The following NHS variants were observed in gnomAD, a reference collection of about 807,000 sequenced individuals.
NHS encodes the protein NHS actin remodeling regulator, also known as actin remodeling regulator NHS.
In NHS, 5 loss-of-function variants were observed where a neutral mutation model predicts 72.5. The observed-to-expected ratio is 0.07, with a 90% CI of 0.04 to 0.14. The LOEUF is 0.14. Ranked by LOEUF, NHS falls within the 10% of genes least tolerant of loss-of-function variation. The probability of loss-of-function intolerance (pLI) is 1.00; values close to 1 mark genes in which losing one functional copy is unlikely to be tolerated. For synonymous variants in NHS, 464 were observed against 547.7 expected (o/e 0.85, Z 2.13); for missense variants, 1,072 against 1,355.7 (o/e 0.79, Z 3.29).
chrX:17,591,748 G>A (rs994890313), intron 1 of NHS, among the ~76,000 whole-genome samples: 1 of 111,791 alleles, frequency 8.9e-6, no homozygotes, highest in Non-Finnish European at 1.9e-5. Context: ...TAGAATGGAA[G>A]GAGTCTTAAA....
chrX:17,549,851 T>C (rs1379925917), intron 1 of NHS, among the ~76,000 whole-genome samples: 4 of 110,840 alleles, frequency 3.6e-5, no homozygotes, highest in Admixed American at 9.6e-5. Context: ...GGAACAAGTG[T>C]GTTTGAGTTG....
At chrX:17,417,294 G>A (rs1053753341) in intron 1 of NHS, among the ~76,000 whole-genome samples, 1 of 111,842 alleles carries the variant, frequency 8.9e-6, no homozygotes, top group Non-Finnish European at 1.9e-5. Flanking sequence ...AGAAAAAGCA[G>A]CCATAGACAA....
At chrX:17,655,954 G>A (rs751402129) in intron 1 of NHS, among the ~76,000 whole-genome samples, 9 of 109,078 alleles carry the variant, frequency 8.3e-5, no homozygotes, top group Admixed American at 9.8e-5. Flanking sequence ...GGACTCCTGC[G>A]ATCTCTCTTT....
Position 17,633,920 on chromosome X carries a change from A to C in NHS, c.566-53822A>C, listed in dbSNP as rs777808163. On this transcript the variant is annotated intron_variant, in intron 1 of 8. Transcript: ENST00000676302. ...ACTAGCTTAGCTTGGTTTTCTACTC[A>C]AAAGGCCACCATGATTGCTTTTAAG... Among the ~76,000 whole-genome samples the C allele has an allele frequency of 5.9e-4, 66 of 111,962 alleles. 2 individuals are homozygous for C. Among genetic ancestry groups the C allele is most frequent in the Non-Finnish European group, 2.8e-4 (15 of 53,199 alleles).
intron 5 of NHS, among the ~76,000 whole-genome samples, 191 bp from the exon 6 acceptor site, chrX:17,724,108 G>A (rs970467197): frequency 1.8e-5 from 2 of 111,967 alleles, no homozygotes; most frequent in Non-Finnish European, 1.9e-5. Context: ...GTGGAGAGCT[G>A]CATTTAGAAG....
intron 1 of NHS, among the ~76,000 whole-genome samples, chrX:17,547,148 G>A (rs2065297684): frequency 8.9e-6 from 1 of 112,132 alleles, no homozygotes; most frequent in African/African-American, 3.2e-5. Flanking sequence ...GAGTGGAGAA[G>A]AAGGGCCCTG....
chrX:17,397,827 C>G (rs2064484095), intron 1 of NHS, among the ~76,000 whole-genome samples: 1 of 111,929 alleles, frequency 8.9e-6, no homozygotes, highest in Admixed American at 9.5e-5. Context: ...TTCCAGGTAT[C>G]CATTTACATG....
intron 1 of NHS, among the ~76,000 whole-genome samples, chrX:17,384,947 C>T (rs901778800): frequency 2.7e-5 from 3 of 111,725 alleles, no homozygotes; most frequent in South Asian, 3.7e-4. Context: ...AATTCCTGAA[C>T]GTTTTTCTTG....
chrX:17,628,155 G>A (rs1187048644), intron 1 of NHS, among the ~76,000 whole-genome samples: 1 of 112,666 alleles, frequency 8.9e-6, no homozygotes, highest in Non-Finnish European at 1.9e-5. Context: ...TTATTTGTAT[G>A]TATTTGTCTT....
At chrX:17,398,411 G>A (rs2064486903) in intron 1 of NHS, among the ~76,000 whole-genome samples, 1 of 112,498 alleles carries the variant, frequency 8.9e-6, no homozygotes, top group African/African-American at 3.2e-5. Flanking sequence ...TGTAAAATCA[G>A]CATGTGAACA....
chrX:17,551,327 T>C lies in NHS; in HGVS notation c.566-136415T>C, dbSNP rs780461181. Among the ~76,000 whole-genome samples the C allele has an allele frequency of 1.5e-4, 17 of 111,956 alleles. No individual in the cohort carries two copies. The Middle Eastern group carries it at 0.014, about 91-fold the overall frequency. ...GAAGGGATCTGGACCAGAGAATGTCTTTCTGGATGACACCCAAATCATCAC... is the reference window on the plus strand; with the variant it reads ...GAAGGGATCTGGACCAGAGAATGTCCTTCTGGATGACACCCAAATCATCAC... On this transcript the variant is annotated intron_variant, in intron 1 of 8. Coordinates refer to ENST00000676302, the MANE Select transcript of NHS (RefSeq NM_001291867.2).
At chrX:17,537,588 C>T (rs1351145633) in intron 1 of NHS, among the ~76,000 whole-genome samples, 5 of 112,116 alleles carry the variant, frequency 4.5e-5, no homozygotes, top group East Asian at 2.8e-4. Flanking sequence ...AGTATCAGGT[C>T]CCCCCAAAAT....
chrX:17,729,948 C>T (rs1360315217), intron 8 of NHS, among the ~76,000 whole-genome samples: 1 of 112,366 alleles, frequency 8.9e-6, no homozygotes, highest in Non-Finnish European at 1.9e-5. Context: ...TTTCTGTTTT[C>T]TGTTGATGTG....
chrX:17,720,786 T>TC (rs903728132), intron 4 of NHS, among the ~76,000 whole-genome samples: 15 of 112,129 alleles, frequency 1.3e-4, no homozygotes, highest in African/African-American at 4.9e-4. Flanking sequence ...CTGGAATATT[T>TC]CCCCCCAGTA....
At chrX:17,475,526 C>T (rs1205715464) in intron 1 of NHS, among the ~76,000 whole-genome samples, 1 of 111,770 alleles carries the variant, frequency 8.9e-6, no homozygotes, top group Non-Finnish European at 1.9e-5. Flanking sequence ...TTCCCGTTTT[C>T]TAGTTTGTCC....
intron 1 of NHS, among the ~76,000 whole-genome samples, chrX:17,634,247 C>A (rs1255677585): frequency 2.7e-5 from 3 of 112,335 alleles, no homozygotes; most frequent in Non-Finnish European, 5.6e-5. Context: ...CCGTTCAGTT[C>A]CTCTTCGGAA....
intron 3 of NHS, 190 bp from the exon 4 acceptor site, chrX:17,719,154 G>A (rs2066390151): frequency 2.6e-6 from 1 of 378,177 alleles, no homozygotes; most frequent in Non-Finnish European, 4.6e-6. Flanking sequence ...GAATAATAAG[G>A]AGAAGGAAGG....
chrX:17,477,213 A>G (rs1182742938), intron 1 of NHS, among the ~76,000 whole-genome samples: 2 of 111,932 alleles, frequency 1.8e-5, no homozygotes, highest in African/African-American at 6.5e-5. Flanking sequence ...GCCATATTAA[A>G]TCAAGCAATC....
At chrX:17,684,166 T>C (rs780505388) in intron 1 of NHS, among the ~76,000 whole-genome samples, 1 of 112,018 alleles carries the variant, frequency 8.9e-6, no homozygotes, top group East Asian at 2.8e-4. Context: ...TCCCCAACCA[T>C]GTGGAACTGT....
Sources: gnomAD v4.1 joint callset for allele counts (sites outside exome capture counted in the v4.1 genomes callset) on GRCh38, gnomAD v4.1.1 for gene constraint, MANE v1.5 for transcripts, NCBI Gene and HGNC (gene_info 2026-07-23, HGNC 2026-07-21) for gene names.